The following MALRD1 variants were observed in gnomAD, a reference collection of about 807,000 sequenced individuals.
MALRD1 encodes the protein MAM and LDL receptor class A domain containing 1.
In MALRD1, 247 loss-of-function variants were observed where a neutral mutation model predicts 242.1. The ratio of observed to expected loss-of-function variants is 1.02; its 90% CI spans 0.92 to 1.13. The LOEUF is 1.13. Ranked by LOEUF, MALRD1 falls within the 50% of genes most tolerant of loss-of-function variation. The pLI, the probability that MALRD1 is intolerant of heterozygous loss-of-function variation, is 0.00. For missense variants in MALRD1, 2,989 were observed against 2,533.1 expected (o/e 1.18, Z -3.86); for synonymous variants, 995 against 866.6 (o/e 1.15, Z -2.60).
At chr10:19,541,378 C>A (rs1208526525) in intron 32 of MALRD1, among the ~76,000 whole-genome samples, 1 of 152,086 alleles carries the variant, frequency 6.6e-6, no homozygotes, top group African/African-American at 2.4e-5. Flanking sequence ...TTTATAAAAC[C>A]TAGATTATAC....
At chr10:19,698,077 G>A (rs558204508) in intron 38 of MALRD1, among the ~76,000 whole-genome samples, 7 of 152,158 alleles carry the variant, frequency 4.6e-5, no homozygotes, top group East Asian at 1.9e-4. Flanking sequence ...GATCCATACC[G>A]TGCTTTCAAC....
intron 18 of MALRD1, among the ~76,000 whole-genome samples, chr10:19,230,824 C>A (rs1838020940): frequency 6.6e-6 from 1 of 152,132 alleles, no homozygotes; most frequent in Non-Finnish European, 1.5e-5. Context: ...AAATGCAAGG[C>A]AAATGCATTA....
At chr10:19,292,867 T>C (rs1263677492) in intron 21 of MALRD1, among the ~76,000 whole-genome samples, 4 of 124,454 alleles carry the variant, frequency 3.2e-5, no homozygotes, top group South Asian at 2.6e-4. Flanking sequence ...CACTCCAGCC[T>C]GGGCAACAGA....
intron 14 of MALRD1, among the ~76,000 whole-genome samples, chr10:19,180,580 G>C (rs1835461803): frequency 6.6e-6 from 1 of 152,134 alleles, no homozygotes; most frequent in African/African-American, 2.4e-5. Context: ...CAAAATGTAA[G>C]AAAGTCCTAA....
At chr10:19,095,656 G>T (rs1564387720) in intron 4 of MALRD1, among the ~76,000 whole-genome samples, 1 of 152,100 alleles carries the variant, frequency 6.6e-6, no homozygotes, top group Non-Finnish European at 1.5e-5. Context: ...TGTGTCCCTG[G>T]GCCCTGAAGA....
chr10:19,442,304 T>C (rs556422323), intron 28 of MALRD1, among the ~76,000 whole-genome samples: 1 of 152,324 alleles, frequency 6.6e-6, no homozygotes, highest in South Asian at 2.1e-4. Flanking sequence ...CTTCCTTTTT[T>C]CCTAATTGAA....
chr10:19,416,738 A>G lies in MALRD1; in HGVS notation c.4845+27129A>G, dbSNP rs112190542. Among the ~76,000 whole-genome samples, 1,312 of 152,302 alleles carry G rather than the reference A, an allele frequency of 8.6e-3. 12 individuals are homozygous for G. Among genetic ancestry groups the G allele is most frequent in the Non-Finnish European group, 0.012 (821 of 68,018 alleles). On this transcript the variant is annotated intron_variant, in intron 28 of 39. Coordinates refer to ENST00000454679, the MANE Select transcript of MALRD1 (RefSeq NM_001142308.3). ...ATTTCAAGTCTCACCCTCTCACTGC[A>G]TCAGCAAATGAGCCTACAAACATCT... is the stretch of plus-strand genomic sequence containing the variant.
At chr10:19,293,928 G>A (rs1038863249) in intron 21 of MALRD1, among the ~76,000 whole-genome samples, 1 of 152,108 alleles carries the variant, frequency 6.6e-6, no homozygotes, top group African/African-American at 2.4e-5. Context: ...ACGAAATGCA[G>A]TCGCTTGAGG....
At chr10:19,331,326 C>A in intron 23 of MALRD1, 43 bp from the exon 24 acceptor site, 1 of 1,478,460 alleles carries the variant, frequency 6.8e-7, no homozygotes, top group Non-Finnish European at 9.2e-7. Flanking sequence ...AGGTTTTGAA[C>A]TTCTTGATTG....
chr10:19,134,604 G>C (rs2813776), intron 9 of MALRD1, among the ~76,000 whole-genome samples: 45,420 of 152,034 alleles, frequency 0.3, 7,099 homozygotes, highest in East Asian at 0.52. Context: ...GGTTATGAAG[G>C]CAACTTCATT....
intron 36 of MALRD1, among the ~76,000 whole-genome samples, chr10:19,669,138 C>G (rs2131753784): frequency 6.6e-6 from 1 of 152,260 alleles, no homozygotes; most frequent in South Asian, 2.1e-4. Context: ...TTCTTAGAAA[C>G]TGGAAGATGA....
At chr10:19,420,679 T>A (rs1356520953) in intron 28 of MALRD1, among the ~76,000 whole-genome samples, 1 of 152,204 alleles carries the variant, frequency 6.6e-6, no homozygotes, top group African/African-American at 2.4e-5. Context: ...GCACATACCC[T>A]CTGCCTGGAT....
chr10:19,570,813 TTTTTC>T (rs1359815105), intron 33 of MALRD1, among the ~76,000 whole-genome samples: 23 of 152,094 alleles, frequency 1.5e-4, no homozygotes, highest in African/African-American at 5.1e-4. Context: ...ATATGAATTA[TTTTTC>T]TTTTCTTCAT....
chr10:19,651,763 A>G (rs190900986), intron 36 of MALRD1, among the ~76,000 whole-genome samples: 109 of 152,368 alleles, frequency 7.2e-4, no homozygotes, highest in Admixed American at 1.8e-3. Context: ...AAAGAATGCC[A>G]TGAGATCAGA....
At chr10:19,585,432 A>C (rs1837340563) in intron 33 of MALRD1, among the ~76,000 whole-genome samples, 1 of 149,182 alleles carries the variant, frequency 6.7e-6, no homozygotes, top group Non-Finnish European at 1.5e-5. Flanking sequence ...TGGTGACAAA[A>C]TCTCTCAACA....
chr10:19,326,813 A>G (rs1003243136), intron 22 of MALRD1, among the ~76,000 whole-genome samples: 2 of 148,774 alleles, frequency 1.3e-5, no homozygotes, highest in Non-Finnish European at 3.0e-5. Flanking sequence ...GTTTGGTTGT[A>G]TGAATTCTAT....
At chr10:19,144,940 C>T (rs1275968132) in intron 10 of MALRD1, among the ~76,000 whole-genome samples, 1 of 152,268 alleles carries the variant, frequency 6.6e-6, no homozygotes, top group African/African-American at 2.4e-5. Flanking sequence ...TCTTAGGAAT[C>T]CTGTCAAAAC....
At chr10:19,630,645 C>G (rs1016438497) in intron 36 of MALRD1, among the ~76,000 whole-genome samples, 5 of 151,972 alleles carry the variant, frequency 3.3e-5, no homozygotes, top group African/African-American at 1.2e-4. Context: ...AGAATTTTCT[C>G]CATAGCAATG....
chr10:19,586,581 G>A (rs551593103), intron 33 of MALRD1, among the ~76,000 whole-genome samples: 67 of 152,336 alleles, frequency 4.4e-4, no homozygotes, highest in African/African-American at 1.4e-3. Context: ...CAGTCTGCCC[G>A]TTCTCAGATC....
Sources: gnomAD v4.1 joint callset for allele counts (sites outside exome capture counted in the v4.1 genomes callset) on GRCh38, gnomAD v4.1.1 for gene constraint, MANE v1.5 for transcripts, NCBI Gene and HGNC (gene_info 2026-07-23, HGNC 2026-07-21) for gene names.